IL1RAPL2: variants seen among roughly 807,000 people sequenced by gnomAD.
IL1RAPL2 encodes the protein X-linked interleukin-1 receptor accessory protein-like 2.
IL1RAPL2 carries 3 observed loss-of-function variants against 44.1 expected under a neutral mutation model. That is an observed-to-expected ratio of 0.07 (90% CI 0.03 to 0.18). The LOEUF is 0.18. Among genes scored for constraint, IL1RAPL2 ranks in the 10% least tolerant of loss-of-function variants. IL1RAPL2 has a pLI of 1.00. For synonymous variants in IL1RAPL2, 181 were observed against 178.8 expected, an observed-to-expected ratio of 1.01 and a Z score of -0.10; for missense variants, 391 against 496.4, an observed-to-expected ratio of 0.79 and a Z score of 2.02.
At chrX:104,971,368 T>TA (rs1477475214) in intron 2 of IL1RAPL2, among the ~76,000 whole-genome samples, 1 of 110,766 alleles carries the variant, frequency 9.0e-6, no homozygotes, top group Non-Finnish European at 1.9e-5. Flanking sequence ...TAAAATAAAA[T>TA]AAAGGTCTTC....
intron 2 of IL1RAPL2, among the ~76,000 whole-genome samples, chrX:104,665,612 A>G (rs1693263455): frequency 9.0e-6 from 1 of 111,305 alleles, no homozygotes; most frequent in Non-Finnish European, 1.9e-5. Context: ...TGTATCCTAA[A>G]TCATATGCAT....
chrX:104,912,657 G>A (rs1404171575), intron 2 of IL1RAPL2, among the ~76,000 whole-genome samples: 2 of 111,558 alleles, frequency 1.8e-5, no homozygotes, highest in African/African-American at 6.5e-5. Context: ...ATATGGTAAA[G>A]CATGTTAAGG....
intron 2 of IL1RAPL2, among the ~76,000 whole-genome samples, chrX:104,845,100 T>C (rs868317467): frequency 1.1e-4 from 12 of 112,055 alleles, no homozygotes; most frequent in African/African-American, 3.6e-4. Context: ...GAGTGTCCCT[T>C]ATCTGTGTTG....
At chrX:105,483,604 G>A (rs770825886) in intron 5 of IL1RAPL2, among the ~76,000 whole-genome samples, 2 of 110,996 alleles carry the variant, frequency 1.8e-5, no homozygotes, top group Non-Finnish European at 3.8e-5. Context: ...ACCTTCCAGC[G>A]AATATTAACC....
intron 5 of IL1RAPL2, among the ~76,000 whole-genome samples, chrX:105,375,338 C>T (rs1256091969): frequency 4.5e-5 from 5 of 110,912 alleles, no homozygotes; most frequent in East Asian, 2.9e-4. Context: ...GGTGAAACCC[C>T]GTCTCTACTA....
intron 2 of IL1RAPL2, among the ~76,000 whole-genome samples, chrX:104,843,861 A>C (rs1291581438): frequency 9.0e-6 from 1 of 110,780 alleles, no homozygotes; most frequent in East Asian, 2.9e-4. Context: ...CCTTCCAAAC[A>C]TACACAATTC....
chrX:104,647,631 T>C, intron 1 of IL1RAPL2: 1 of 538,083 alleles, frequency 1.9e-6, no homozygotes, highest in South Asian at 2.4e-5. Flanking sequence ...AGGATCTTGG[T>C]AGTGATGGAT....
chrX:105,030,727 G>T (rs1462364386), intron 2 of IL1RAPL2, among the ~76,000 whole-genome samples: 1 of 111,502 alleles, frequency 9.0e-6, no homozygotes, highest in East Asian at 2.8e-4. Flanking sequence ...TTGGAAATGT[G>T]GGCTCTTTTT....
At chrX:105,377,101 A>G (rs1200199083) in intron 5 of IL1RAPL2, among the ~76,000 whole-genome samples, 1 of 111,704 alleles carries the variant, frequency 9.0e-6, no homozygotes, top group Non-Finnish European at 1.9e-5. Flanking sequence ...CCAAATTTCT[A>G]TAGTTACACA....
intron 3 of IL1RAPL2, among the ~76,000 whole-genome samples, chrX:105,205,504 C>T (rs4826917): frequency 0.53 from 51,351 of 96,425 alleles, 12,763 homozygotes; most frequent in East Asian, 0.77. Context: ...GCAAGAGAAT[C>T]GCTGGAACCT....
At chrX:105,714,986 C>T (rs754770512) in intron 6 of IL1RAPL2, among the ~76,000 whole-genome samples, 238 of 112,096 alleles carry the variant, frequency 2.1e-3, no homozygotes, top group Non-Finnish European at 3.6e-3. Context: ...TTATTAGCAA[C>T]AATCTTCTTA....
intron 3 of IL1RAPL2, among the ~76,000 whole-genome samples, chrX:105,200,877 C>T (rs1239534767): frequency 5.4e-5 from 6 of 111,115 alleles, no homozygotes. Flanking sequence ...TGCTACTGCA[C>T]TCCAGTCTGG....
At chrX:104,739,114 G>T (rs1195322712) in intron 2 of IL1RAPL2, among the ~76,000 whole-genome samples, 3 of 111,479 alleles carry the variant, frequency 2.7e-5, no homozygotes, top group African/African-American at 9.8e-5. Flanking sequence ...CTCCAACCTG[G>T]CACTTATGTA....
chrX:104,658,534 C>T (rs1043451850), intron 1 of IL1RAPL2, among the ~76,000 whole-genome samples: 1 of 112,365 alleles, frequency 8.9e-6, no homozygotes, highest in African/African-American at 3.2e-5. Context: ...TTAATGGATG[C>T]AGCAAACCAA....
At chrX:105,129,119 T>C (rs2033003557) in intron 2 of IL1RAPL2, among the ~76,000 whole-genome samples, 1 of 111,093 alleles carries the variant, frequency 9.0e-6, no homozygotes, top group African/African-American at 3.3e-5. Flanking sequence ...TATAACAAGA[T>C]ACCTTAGACT....
intron 2 of IL1RAPL2, among the ~76,000 whole-genome samples, chrX:105,171,974 A>G (rs111967898): frequency 1.8e-5 from 2 of 111,495 alleles, no homozygotes; most frequent in African/African-American, 6.5e-5. Flanking sequence ...TTTAAATCCA[A>G]CCCCTTCTCT....
chrX:105,078,064 C>A (rs958851696), intron 2 of IL1RAPL2, among the ~76,000 whole-genome samples: 1 of 112,013 alleles, frequency 8.9e-6, no homozygotes, highest in Non-Finnish European at 1.9e-5. Flanking sequence ...AGCTTTGTTC[C>A]GTTGCTGGTG....
chrX:105,630,284 T>A (rs2037482457), intron 6 of IL1RAPL2, among the ~76,000 whole-genome samples: 1 of 111,516 alleles, frequency 9.0e-6, no homozygotes, highest in African/African-American at 3.3e-5. Context: ...ATGGCCACCA[T>A]TTATTGAGTA....
intron 3 of IL1RAPL2, among the ~76,000 whole-genome samples, chrX:105,221,193 G>T (rs1421622999): frequency 9.0e-6 from 1 of 111,366 alleles, no homozygotes; most frequent in Non-Finnish European, 1.9e-5. Flanking sequence ...AATACCTGAA[G>T]AAATGACCAT....
Sources: gnomAD v4.1 joint callset for allele counts (sites outside exome capture counted in the v4.1 genomes callset) on GRCh38, gnomAD v4.1.1 for gene constraint, MANE v1.5 for transcripts, NCBI Gene and HGNC (gene_info 2026-07-23, HGNC 2026-07-21) for gene names.